The following NAV3 variants were observed in gnomAD, a reference collection of about 807,000 sequenced individuals.
NAV3 encodes neuron navigator 3.
NAV3 carries 87 observed loss-of-function variants against 244.7 expected under a neutral mutation model. The ratio of observed to expected loss-of-function variants is 0.36; its 90% CI spans 0.30 to 0.42. NAV3 has a LOEUF of 0.42. Ranked by LOEUF, NAV3 falls within the 20% of genes least tolerant of loss-of-function variation. The pLI, the probability that NAV3 is intolerant of heterozygous loss-of-function variation, is 1.00. For missense variants in NAV3, 2,663 were observed against 2,893.3 expected (o/e 0.92, Z 1.83); for synonymous variants, 1,126 against 1,042.2 (o/e 1.08, Z -1.55).
intron 9 of NAV3, among the ~76,000 whole-genome samples, chr12:78,025,060 A>G (rs1239959823): frequency 1.3e-5 from 2 of 151,954 alleles, no homozygotes; most frequent in Admixed American, 6.6e-5. Flanking sequence ...TCCTTCTCTT[A>G]TGGCATGCTG....
chr12:77,585,592 C>G (rs562650914), intron 2 of NAV3, among the ~76,000 whole-genome samples: 59 of 152,260 alleles, frequency 3.9e-4, no homozygotes, highest in African/African-American at 1.3e-3. Flanking sequence ...ATTAGATTCT[C>G]ATAAGGAGCT....
At chr12:78,178,408 A>G (rs1958347942) in intron 28 of NAV3, among the ~76,000 whole-genome samples, 1 of 151,864 alleles carries the variant, frequency 6.6e-6, no homozygotes, top group Admixed American at 6.6e-5. Flanking sequence ...TGATTCACCC[A>G]CCTCGGCCTC....
intron 2 of NAV3, among the ~76,000 whole-genome samples, chr12:77,659,832 G>C (rs908270475): frequency 6.6e-6 from 1 of 151,986 alleles, no homozygotes; most frequent in Non-Finnish European, 1.5e-5. Flanking sequence ...AAACTGGAAA[G>C]CATCATTCTC....
chr12:78,055,563 G>A (rs1883370413), intron 11 of NAV3, among the ~76,000 whole-genome samples: 1 of 152,102 alleles, frequency 6.6e-6, no homozygotes, highest in African/African-American at 2.4e-5. Context: ...ATCTTCACCT[G>A]GGGAATGCAC....
chr12:78,078,450 C>T (rs1953173054), intron 12 of NAV3, among the ~76,000 whole-genome samples: 2 of 120,386 alleles, frequency 1.7e-5, no homozygotes, highest in Non-Finnish European at 3.2e-5. Context: ...GGCTGGAGTG[C>T]AGTGGCGGGA....
Position 77,909,170 on chromosome 12 carries a change from T to A in NAV3, c.244-31149T>A, listed in dbSNP as rs113169829. Among the ~76,000 whole-genome samples, 1,228 of 152,182 alleles carry A rather than the reference T, an allele frequency of 8.1e-3. 15 individuals carry two copies. The highest frequency in any genetic ancestry group is 0.043 in the South Asian group (205 of 4,820). On this transcript the variant is annotated intron_variant, in intron 1 of 39. Coordinates refer to ENST00000397909, the MANE Select transcript of NAV3 (RefSeq NM_001024383.2). ...GGCTACCGTTTTTGCTAGATTAACA[T>A]TATTGGGTATAGGATTTTATAATAG...
intron 8 of NAV3, among the ~76,000 whole-genome samples, chr12:78,011,175 C>T (rs775374925): frequency 9.9e-5 from 15 of 152,046 alleles, no homozygotes; most frequent in Non-Finnish European, 2.1e-4. Context: ...GAATAGGCTG[C>T]TTTTTATAGT....
chr12:78,070,724 C>G (rs1297384640), intron 12 of NAV3, among the ~76,000 whole-genome samples: 1 of 137,306 alleles, frequency 7.3e-6, no homozygotes, highest in Non-Finnish European at 1.5e-5. Context: ...CACAACAGTC[C>G]CCAGAGTGTG....
At chr12:77,735,428 G>A (rs562556906) in intron 2 of NAV3, among the ~76,000 whole-genome samples, 5 of 152,146 alleles carry the variant, frequency 3.3e-5, no homozygotes, top group Admixed American at 2.6e-4. Context: ...CACACTAGGA[G>A]CTCAGAAATG....
chr12:78,087,457 A>G (rs1953696986), intron 12 of NAV3, among the ~76,000 whole-genome samples: 1 of 152,000 alleles, frequency 6.6e-6, no homozygotes, highest in East Asian at 1.9e-4. Flanking sequence ...GATGTTACCA[A>G]AGTAACCACC....
At chr12:78,085,320 A>T (rs1213281133) in intron 12 of NAV3, among the ~76,000 whole-genome samples, 1 of 152,094 alleles carries the variant, frequency 6.6e-6, no homozygotes, top group Non-Finnish European at 1.5e-5. Context: ...CCTGTTTGGG[A>T]TGTCTTTTCT....
chr12:77,626,348 G>C (rs1565742518), intron 2 of NAV3, among the ~76,000 whole-genome samples: 2 of 152,076 alleles, frequency 1.3e-5, no homozygotes, highest in Non-Finnish European at 1.5e-5. Flanking sequence ...TGAATTTTGG[G>C]AATTCCAGAA....
chr12:77,952,077 A>AC (rs141675995), intron 3 of NAV3, among the ~76,000 whole-genome samples: 2,116 of 151,832 alleles, frequency 0.014, 29 homozygotes, highest in Non-Finnish European at 0.023. Context: ...TTAAAAAAAA[A>AC]AAAAAAACAG....
chr12:78,119,135 G>T (rs1955552480), intron 14 of NAV3, 102 bp from the exon 15 acceptor site: 2 of 1,151,212 alleles, frequency 1.7e-6, no homozygotes, highest in East Asian at 4.7e-5. Flanking sequence ...TTTAGGAAGG[G>T]AAATAATATA....
chr12:77,872,069 G>A (rs947862195), intron 1 of NAV3, among the ~76,000 whole-genome samples: 7 of 151,964 alleles, frequency 4.6e-5, no homozygotes, highest in Non-Finnish European at 7.4e-5. Context: ...TATGTTCGTC[G>A]GCTGCACAAA....
At chr12:77,834,359 A>T (rs1017846801) in intron 1 of NAV3, among the ~76,000 whole-genome samples, 1 of 152,176 alleles carries the variant, frequency 6.6e-6, no homozygotes, top group Admixed American at 6.5e-5. Flanking sequence ...AAAATAAAAT[A>T]TTTTTTATGG....
At chr12:77,975,898 G>A (rs1593170826) in intron 5 of NAV3, among the ~76,000 whole-genome samples, 1 of 152,144 alleles carries the variant, frequency 6.6e-6, no homozygotes, top group Non-Finnish European at 1.5e-5. Flanking sequence ...GGAAAAGGTG[G>A]TAGCAAGAAG....
At chr12:77,675,227 A>C (rs948214897) in intron 2 of NAV3, among the ~76,000 whole-genome samples, 1 of 151,946 alleles carries the variant, frequency 6.6e-6, no homozygotes, top group Non-Finnish European at 1.5e-5. Context: ...GTCAGGTTTC[A>C]ACCAGAAAAA....
intron 2 of NAV3, among the ~76,000 whole-genome samples, chr12:77,714,645 C>T (rs551451325): frequency 1.4e-4 from 21 of 152,216 alleles, no homozygotes; most frequent in Non-Finnish European, 2.5e-4. Context: ...TACGATTTAC[C>T]TACAGTTTTG....
Sources: allele counts gnomAD v4.1 joint callset (sites outside exome capture counted in the v4.1 genomes callset), GRCh38; gene constraint gnomAD v4.1.1; transcripts MANE v1.5; gene names NCBI Gene and HGNC (gene_info 2026-07-23, HGNC 2026-07-21).